SLC35F3: variants seen among roughly 807,000 people sequenced by gnomAD.
SLC35F3 encodes solute carrier family 35 member F3, also known as putative thiamine transporter SLC35F3.
In SLC35F3, 25 loss-of-function variants were observed where a neutral mutation model predicts 49.9. The ratio of observed to expected loss-of-function variants is 0.50; its 90% CI spans 0.37 to 0.70. The LOEUF is 0.70. Among genes scored for constraint, SLC35F3 ranks in the 30% least tolerant of loss-of-function variants. SLC35F3 has a pLI of 0.00. For synonymous variants in SLC35F3, 275 were observed against 265.4 expected (o/e 1.04, Z -0.35); for missense variants, 525 against 639.8 (o/e 0.82, Z 1.94).
At chr1:233,981,645 C>G (rs1313949514) in intron 2 of SLC35F3, among the ~76,000 whole-genome samples, 1 of 149,518 alleles carries the variant, frequency 6.7e-6, no homozygotes, top group Non-Finnish European at 1.5e-5. Flanking sequence ...TTTGTGTGGA[C>G]AGAATTCCAC....
At chr1:234,293,774 A>G (rs1406017665) in intron 3 of SLC35F3, among the ~76,000 whole-genome samples, 1 of 152,250 alleles carries the variant, frequency 6.6e-6, no homozygotes, top group African/African-American at 2.4e-5. Context: ...GTGTTATCCA[A>G]AAAGGCACAT....
At chr1:234,069,206 A>G (rs1013620419) in intron 2 of SLC35F3, among the ~76,000 whole-genome samples, 1 of 141,194 alleles carries the variant, frequency 7.1e-6, no homozygotes, top group Non-Finnish European at 1.5e-5. Context: ...ATACATATTT[A>G]TATATTATAT....
intron 2 of SLC35F3, among the ~76,000 whole-genome samples, chr1:234,162,307 C>A (rs539677223): frequency 6.6e-4 from 99 of 150,596 alleles, no homozygotes; most frequent in African/African-American, 2.1e-3. Context: ...TTCCCTGCCC[C>A]ACTCTCATCC....
rs143809122 is a variant in SLC35F3 at position 234,302,150 on chromosome 1, T to C, written c.609-6951T>C. Among the ~76,000 whole-genome samples the C allele has an allele frequency of 4.8e-3, 721 of 151,658 alleles. 6 individuals carry two copies. The highest frequency in any genetic ancestry group is 0.015 in the African/African-American group (635 of 41,344). ...ACCTGCACATTCTGCACATGTATCC[T>C]GGGTTGTTGTTGTTGTTGTTTTTTT... On this transcript the variant is annotated intron_variant, in intron 3 of 7. Transcript: ENST00000366618.
intron 2 of SLC35F3, among the ~76,000 whole-genome samples, chr1:234,089,001 A>G (rs574547111): frequency 1.3e-5 from 2 of 152,264 alleles, no homozygotes; most frequent in African/African-American, 4.8e-5. Flanking sequence ...GGCTCCAGCA[A>G]TCTGCCCACC....
chr1:234,004,474 C>T (rs934130413), intron 2 of SLC35F3, among the ~76,000 whole-genome samples: 1 of 151,996 alleles, frequency 6.6e-6, no homozygotes, highest in Admixed American at 6.6e-5. Context: ...TAATGACACT[C>T]AATTATCATA....
intron 2 of SLC35F3, among the ~76,000 whole-genome samples, chr1:233,982,798 A>G (rs1174280654): frequency 2.6e-5 from 4 of 152,174 alleles, no homozygotes; most frequent in African/African-American, 4.8e-5. Context: ...CACAAAGTTT[A>G]TTCTCTGATC....
At chr1:233,912,621 A>T (rs1661899910) in intron 2 of SLC35F3, among the ~76,000 whole-genome samples, 1 of 152,196 alleles carries the variant, frequency 6.6e-6, no homozygotes, top group South Asian at 2.1e-4. Context: ...CCCCCAGTGG[A>T]TACTGTGGAT....
At chr1:233,988,800 A>G (rs1663306723) in intron 2 of SLC35F3, among the ~76,000 whole-genome samples, 1 of 152,110 alleles carries the variant, frequency 6.6e-6, no homozygotes, top group African/African-American at 2.4e-5. Context: ...GAATTGTAAA[A>G]CTTCTGCCAA....
intron 3 of SLC35F3, among the ~76,000 whole-genome samples, chr1:234,250,533 AG>A (rs1572115436): frequency 6.6e-6 from 1 of 151,190 alleles, no homozygotes; most frequent in East Asian, 1.9e-4. Flanking sequence ...GGGCGCCTGT[AG>A]TCCCAGCTAC....
At chr1:233,989,258 A>G (rs1011574250) in intron 2 of SLC35F3, among the ~76,000 whole-genome samples, 3 of 152,224 alleles carry the variant, frequency 2.0e-5, no homozygotes, top group African/African-American at 7.2e-5. Flanking sequence ...TTTCATTACA[A>G]CAATACTAAA....
chr1:234,222,854 G>A (rs773731458), intron 2 of SLC35F3, among the ~76,000 whole-genome samples: 2 of 152,186 alleles, frequency 1.3e-5, no homozygotes, highest in Non-Finnish European at 2.9e-5. Flanking sequence ...TTGTGTGCAG[G>A]TCATTAGCAG....
chr1:234,226,020 G>A (rs987203623), intron 2 of SLC35F3, among the ~76,000 whole-genome samples: 5 of 152,224 alleles, frequency 3.3e-5, no homozygotes, highest in African/African-American at 1.2e-4. Context: ...TTGAGGCTGG[G>A]AACAGGGAGA....
intron 2 of SLC35F3, among the ~76,000 whole-genome samples, chr1:234,188,729 C>T (rs1666684449): frequency 6.6e-6 from 1 of 152,126 alleles, no homozygotes; most frequent in Non-Finnish European, 1.5e-5. Context: ...CACCTCCTGG[C>T]AGGAGGGCAA....
chr1:233,985,014 T>TGG (rs59133633), intron 2 of SLC35F3, among the ~76,000 whole-genome samples: 16 of 148,318 alleles, frequency 1.1e-4, no homozygotes, highest in East Asian at 3.9e-4. Context: ...ATGCAGGGGT[T>TGG]GGGGGGGTGC....
rs55846915 is a variant in SLC35F3, at chr1:234,236,925, TTATATATATATATATATA to T, written c.608+5206_608+5223del. On this transcript the variant is annotated intron_variant, in intron 3 of 7. Coordinates refer to ENST00000366618, the MANE Select transcript of SLC35F3 (RefSeq NM_173508.4). ...AGACAGTCTCCTATTAAAAAAAAAATTATATATATATATATATATATATATATATATATATATATGGAG... is the reference window on the plus strand; with the variant it reads ...AGACAGTCTCCTATTAAAAAAAAAATTATATATATATATATATATATGGAG... Among the ~76,000 whole-genome samples the T allele has an allele frequency of 7.8e-4, 75 of 96,290 alleles. 3 individuals carry two copies. The highest frequency in any genetic ancestry group is 1.4e-3 in the South Asian group (4 of 2,960). The allele number at this position is 96,290 out of a possible 152,430, so 63.2% of individuals were successfully genotyped here. A position where few individuals can be genotyped will look rare whatever the true frequency, so the allele number is the denominator to read the frequency against.
chr1:234,225,215 T>C lies in SLC35F3; in HGVS notation c.284-6202T>C, dbSNP rs564059003. 3.5e-4 allele frequency among the ~76,000 whole-genome samples: 53 copies of C among 152,298 alleles called. No homozygotes were observed. In the South Asian group the frequency reaches 7.1e-3, roughly 20 times the overall value. The stretch of plus-strand genomic sequence containing the variant: ...CCTCTACATCACTGCCTAAAAATAA[T>C]GTCACACATAAATTCACTGAGCAAG... On this transcript the variant is annotated intron_variant, in intron 2 of 7. Coordinates refer to ENST00000366618, the MANE Select transcript of SLC35F3 (RefSeq NM_173508.4).
chr1:234,034,561 C>A (rs1002347102), intron 2 of SLC35F3, among the ~76,000 whole-genome samples: 2 of 152,292 alleles, frequency 1.3e-5, no homozygotes, highest in South Asian at 4.1e-4. Context: ...TGCTGTGTCG[C>A]CTAGGCTGGA....
At chr1:234,302,840 C>T (rs1668714757) in intron 3 of SLC35F3, among the ~76,000 whole-genome samples, 2 of 152,140 alleles carry the variant, frequency 1.3e-5, no homozygotes, top group Admixed American at 6.5e-5. Flanking sequence ...ACCACAGAAA[C>T]TTTACCTCTC....
Sources: gnomAD v4.1 joint callset for allele counts (sites outside exome capture counted in the v4.1 genomes callset) on GRCh38, gnomAD v4.1.1 for gene constraint, MANE v1.5 for transcripts, NCBI Gene and HGNC (gene_info 2026-07-23, HGNC 2026-07-21) for gene names.